The following UMAD1 variants were observed in gnomAD, a reference collection of about 807,000 sequenced individuals.
UMAD1 encodes UBAP1-MVB12-associated (UMA)-domain containing protein 1.
Under a neutral mutation model 6.1 loss-of-function variants are expected in UMAD1, and 8 were observed. The ratio of observed to expected loss-of-function variants is 1.30; its 90% CI spans 0.76 to 2.35. The LOEUF (loss-of-function observed/expected upper bound fraction) is 2.35. Ranked by LOEUF, UMAD1 falls within the 30% of genes most tolerant of loss-of-function variation. UMAD1 has a pLI of 0.00. For synonymous variants in UMAD1, 56 were observed against 31.4 expected (o/e 1.78, Z -2.61); for missense variants, 130 against 78.4 (o/e 1.66, Z -2.49).
chr7:7,855,866 C>T (rs1385814271), intron 3 of UMAD1, among the ~76,000 whole-genome samples: 1 of 152,184 alleles, frequency 6.6e-6, no homozygotes. Context: ...TATCTTCCGC[C>T]AGATACCCTA....
At chr7:7,652,500 G>A (rs1362028833) in intron 1 of UMAD1, among the ~76,000 whole-genome samples, 6 of 152,214 alleles carry the variant, frequency 3.9e-5, no homozygotes, top group Non-Finnish European at 8.8e-5. Flanking sequence ...ACTAGAATGT[G>A]AGTAACATTT....
intron 3 of UMAD1, among the ~76,000 whole-genome samples, chr7:7,826,553 G>T (rs1044621015): frequency 1.3e-5 from 2 of 152,042 alleles, no homozygotes; most frequent in Admixed American, 1.3e-4. Flanking sequence ...TAGAAAAATG[G>T]TTCTTGATTT....
chr7:7,673,711 C>CTTT (rs1303262041), intron 2 of UMAD1, among the ~76,000 whole-genome samples: 8,474 of 88,456 alleles, frequency 0.096, 312 homozygotes, highest in Middle Eastern at 0.23. Context: ...TTTTCCCCCC[C>CTTT]TTTTTTTTTT....
At chr7:7,813,916 A>G (rs186806532) in intron 3 of UMAD1, among the ~76,000 whole-genome samples, 2 of 152,318 alleles carry the variant, frequency 1.3e-5, no homozygotes, top group African/African-American at 4.8e-5. Flanking sequence ...TTACTAAGGC[A>G]TTGTCAACTA....
intron 2 of UMAD1, among the ~76,000 whole-genome samples, chr7:7,683,871 C>T (rs1779974854): frequency 6.6e-6 from 1 of 152,152 alleles, no homozygotes; most frequent in East Asian, 1.9e-4. Flanking sequence ...GATCCGCCTG[C>T]CTTGGCCTCC....
chr7:7,672,021 C>A (rs1323215599), intron 1 of UMAD1, among the ~76,000 whole-genome samples: 1 of 152,070 alleles, frequency 6.6e-6, no homozygotes, highest in Non-Finnish European at 1.5e-5. Context: ...GGTTCATATC[C>A]TTCTCTGATC....
chr7:7,843,443 T>C (rs1474034164), intron 3 of UMAD1, among the ~76,000 whole-genome samples: 1 of 152,186 alleles, frequency 6.6e-6, no homozygotes, highest in Non-Finnish European at 1.5e-5. Context: ...TCCGATTGCT[T>C]AGAGAGCTTT....
intron 1 of UMAD1, among the ~76,000 whole-genome samples, chr7:7,671,185 C>G (rs1459168470): frequency 6.6e-6 from 1 of 152,220 alleles, no homozygotes; most frequent in Non-Finnish European, 1.5e-5. Flanking sequence ...GGTTTCTTAT[C>G]TACTTAACTT....
chr7:7,751,887 C>T (rs192897006), intron 2 of UMAD1, among the ~76,000 whole-genome samples: 25 of 152,292 alleles, frequency 1.6e-4, no homozygotes, highest in African/African-American at 4.6e-4. Flanking sequence ...TCTACTCTGA[C>T]GGTCCTTCTA....
At chr7:7,765,137 T>C (rs772286310) in intron 2 of UMAD1, among the ~76,000 whole-genome samples, 3 of 152,178 alleles carry the variant, frequency 2.0e-5, no homozygotes, top group Non-Finnish European at 4.4e-5. Context: ...TTTCTACTTA[T>C]GTCAGTGAGG....
intron 1 of UMAD1, among the ~76,000 whole-genome samples, chr7:7,654,472 C>G (rs1238502487): frequency 6.6e-6 from 1 of 152,216 alleles, no homozygotes; most frequent in East Asian, 1.9e-4. Flanking sequence ...CCAGGACTTC[C>G]TGCTGATACC....
chr7:7,720,516 A>G (rs1180559570), intron 2 of UMAD1, among the ~76,000 whole-genome samples: 1 of 152,216 alleles, frequency 6.6e-6, no homozygotes, highest in African/African-American at 2.4e-5. Context: ...ACTACTGAGT[A>G]TTAGTACAGT....
chr7:7,789,757 T>A (rs1782533499), intron 2 of UMAD1, among the ~76,000 whole-genome samples: 1 of 152,238 alleles, frequency 6.6e-6, no homozygotes, highest in Non-Finnish European at 1.5e-5. Flanking sequence ...TGTCTTCAAG[T>A]TTCATCCATG....
intron 3 of UMAD1, among the ~76,000 whole-genome samples, chr7:7,872,977 C>G (rs1203229724): frequency 1.3e-5 from 2 of 152,166 alleles, no homozygotes; most frequent in Non-Finnish European, 2.9e-5. Flanking sequence ...TGAATGGATT[C>G]TAAACTTCAT....
Position 7,707,499 on chromosome 7 carries a change from A to G in UMAD1, c.82+34046A>G, listed in dbSNP as rs28912695. 1.1e-3 allele frequency among the ~76,000 whole-genome samples: 168 copies of G among 152,302 alleles called. 1 individual carries two copies. Among genetic ancestry groups the G allele is most frequent in the Non-Finnish European group, 2.0e-3 (133 of 68,014 alleles). ...GGCAGTGGGAATGCCATATGCTCTC[A>G]AATTGCTTCAGTGTGATTTTGTAAA... On this transcript the variant is annotated intron_variant, in intron 2 of 3. Transcript: ENST00000682710.
intron 2 of UMAD1, among the ~76,000 whole-genome samples, chr7:7,683,335 T>A (rs940765108): frequency 2.0e-5 from 3 of 152,118 alleles, no homozygotes; most frequent in South Asian, 2.1e-4. Flanking sequence ...GGAATTGATT[T>A]TTTCCCCCCA....
At chr7:7,696,302 A>T (rs1037770510) in intron 2 of UMAD1, among the ~76,000 whole-genome samples, 4 of 143,082 alleles carry the variant, frequency 2.8e-5, no homozygotes, top group African/African-American at 7.8e-5. Flanking sequence ...TAGGTAGATT[A>T]AAAAAAAAAA....
intron 2 of UMAD1, among the ~76,000 whole-genome samples, chr7:7,678,291 AGAT>A (rs1779799394): frequency 1.3e-5 from 2 of 151,514 alleles, no homozygotes; most frequent in African/African-American, 2.4e-5. Context: ...AACTGGGTTG[AGAT>A]GATATCTCAT....
chr7:7,807,063 T>C (rs1379967049), intron 3 of UMAD1, among the ~76,000 whole-genome samples: 2 of 152,144 alleles, frequency 1.3e-5, no homozygotes, highest in African/African-American at 4.8e-5. Context: ...GATACAAAGA[T>C]ACCTAAGACC....
Sources: gnomAD v4.1 joint callset for allele counts (sites outside exome capture counted in the v4.1 genomes callset) on GRCh38, gnomAD v4.1.1 for gene constraint, MANE v1.5 for transcripts, NCBI Gene and HGNC (gene_info 2026-07-23, HGNC 2026-07-21) for gene names.